The following CACNA2D4 variants were observed in gnomAD, a reference collection of about 807,000 sequenced individuals.
CACNA2D4 encodes calcium voltage-gated channel auxiliary subunit alpha2delta 4.
CACNA2D4 carries 157 observed loss-of-function variants against 163.8 expected under a neutral mutation model. The observed-to-expected ratio is 0.96, with a 90% confidence interval of 0.84 to 1.09. The LOEUF (loss-of-function observed/expected upper bound fraction) is 1.09. Ranked by LOEUF, CACNA2D4 falls within the 50% of genes least tolerant of loss-of-function variation. The probability of loss-of-function intolerance (pLI) is 0.00; values close to 1 mark genes in which losing one functional copy is unlikely to be tolerated. For synonymous variants in CACNA2D4, 598 were observed against 586.9 expected, an observed-to-expected ratio of 1.02 and a Z score of -0.27; for missense variants, 1,410 against 1,479.9, an observed-to-expected ratio of 0.95 and a Z score of 0.78.
chr12:1,851,672 TGTGTGC>T, intron 23 of CACNA2D4, among the ~76,000 whole-genome samples: 1 of 78,200 alleles, frequency 1.3e-5, no homozygotes, highest in Non-Finnish European at 2.6e-5. Flanking sequence ...TGTGTGTGTG[TGTGTGC>T]GTTTTTTTTT....
At chr12:1,809,356 C>G in intron 29 of CACNA2D4, 1 of 603,888 alleles carries the variant, frequency 1.7e-6, no homozygotes. Context: ...GTCCAGCCCC[C>G]GGCGAGACAC....
At chr12:1,904,043 T>C (rs1274665702) in intron 6 of CACNA2D4, among the ~76,000 whole-genome samples, 1 of 152,010 alleles carries the variant, frequency 6.6e-6, no homozygotes, top group Non-Finnish European at 1.5e-5. Flanking sequence ...TATTCAGCCA[T>C]AAAGAGAATC....
chr12:1,876,896 A>G (rs572161589), intron 16 of CACNA2D4, among the ~76,000 whole-genome samples: 7 of 152,102 alleles, frequency 4.6e-5, no homozygotes, highest in African/African-American at 1.7e-4. Context: ...TCCATTAAAT[A>G]CTCCTACATG....
chr12:1,840,773 C>G lies in CACNA2D4; in HGVS notation c.2517G>C (p.Ala839=). Residue 839 remains alanine (A), a synonymous_variant, in exon 26 of 38, where the codon GCG becomes GCC. Transcript: ENST00000382722. The stretch of plus-strand genomic sequence containing the variant: ...TGGCTGTCCTCTTGTCCACGGTCAC[C>G]GCCACAGCTGTGCTTGCCGTCACCA... ...PMVVTASTAV[A]VTVDKRTAIA... 6.2e-7 allele frequency: 1 copy of G among 1,613,778 alleles called. No homozygotes were observed. The highest frequency in any genetic ancestry group is 8.5e-7 in the Non-Finnish European group (1 of 1,179,856).
chr12:1,842,843 C>T (rs993861259), intron 25 of CACNA2D4, among the ~76,000 whole-genome samples: 9 of 152,264 alleles, frequency 5.9e-5, no homozygotes, highest in South Asian at 2.1e-4. Context: ...TTGGGGTGGA[C>T]GGTGTGGGAA....
intron 26 of CACNA2D4, among the ~76,000 whole-genome samples, chr12:1,818,882 A>G (rs1313527967): frequency 6.7e-6 from 1 of 149,638 alleles, no homozygotes; most frequent in African/African-American, 2.5e-5. Context: ...GCCTAGGAAA[A>G]CCAGAGACCT....
In CACNA2D4 at chr12:1,914,879, T is replaced by C; in HGVS notation, c.284A>G (p.Tyr95Cys). ...GGDLYNTVTKYSGSLLLQKKY... is the reference protein window; with the variant it reads ...GGDLYNTVTKCSGSLLLQKKY... Reference sequence around the variant, plus strand: ...CTTCTGCAGCAAGAGAGAGCCTGAGTATTTGGTCACAGTGTTATACAGGTC... The same window carrying C: ...CTTCTGCAGCAAGAGAGAGCCTGAGCATTTGGTCACAGTGTTATACAGGTC... Residue 95 changes from tyrosine to cysteine, a missense_variant, in exon 2 of 38, where the codon TAC becomes TGC. By Grantham distance (194) the Tyr-to-Cys change is radical. Transcript: ENST00000382722. The C allele has an allele frequency of 6.2e-7, 1 of 1,613,614 alleles. No homozygotes were observed.
rs777841442 is a variant in CACNA2D4, at chr12:1,844,522, G to A, written c.2350C>T (p.Leu784=). The A allele has an allele frequency of 1.2e-6, 2 of 1,612,534 alleles. No homozygotes were observed. The highest frequency in any genetic ancestry group is 1.7e-6 in the Non-Finnish European group (2 of 1,179,158). Residue 784 remains leucine (L), a synonymous_variant, in exon 25 of 38, where the codon CTG becomes TTG. Coordinates refer to ENST00000382722, the MANE Select transcript of CACNA2D4 (RefSeq NM_172364.5). This position sits in a 1 kb window ranked among gnomAD's most constrained non-coding sequence, Gnocchi z 4.2. ...GSEKVSDRKF[L]TPEDEASVFT... ...ACGCTGGCCTCGTCCTCAGGTGTCAGGAACTTCCTGCAAGGAGGAAGATGT... is the reference window on the plus strand; with the variant it reads ...ACGCTGGCCTCGTCCTCAGGTGTCAAGAACTTCCTGCAAGGAGGAAGATGT...
rs11061993 is a variant in CACNA2D4 at position 1,828,978 on chromosome 12, C to T, written c.2551+11761G>A. Among the ~76,000 whole-genome samples, 11,870 of 152,248 alleles carry T rather than the reference C, an allele frequency of 0.078. 497 individuals carry two copies. The highest frequency in any genetic ancestry group is 0.13 in the Middle Eastern group (37 of 294). ...GAAACGGTCCCGCGGGACGGCATTC[C>T]GCCTGACTTCCCGCTCTGATCCAGC... On this transcript the variant is annotated intron_variant, in intron 26 of 37. Coordinates refer to ENST00000382722, the MANE Select transcript of CACNA2D4 (RefSeq NM_172364.5). The surrounding 1 kb of genome is among the most constrained non-coding windows in gnomAD (Gnocchi z 4.2).
chr12:1,809,754 C>G (rs940905476), intron 29 of CACNA2D4, among the ~76,000 whole-genome samples: 1 of 152,240 alleles, frequency 6.6e-6, no homozygotes, highest in Non-Finnish European at 1.5e-5. Flanking sequence ...CGTCCATCCC[C>G]CATTTCTTCT....
intron 26 of CACNA2D4, among the ~76,000 whole-genome samples, chr12:1,814,692 C>T (rs758592282): frequency 3.3e-5 from 5 of 152,220 alleles, no homozygotes; most frequent in Non-Finnish European, 5.9e-5. Context: ...TGTCCGCTTC[C>T]CTCCATCTCC....
Position 1,799,138 on chromosome 12 carries a change from G to A in CACNA2D4, c.2995+537C>T, listed in dbSNP as rs746031637. ...GCAGTCATGGAGGGCCCAGGCGCCCGGGCAGTGAGTGCTTTGAAAGGCCAG... is the reference window on the plus strand; with the variant it reads ...GCAGTCATGGAGGGCCCAGGCGCCCAGGCAGTGAGTGCTTTGAAAGGCCAG... On this transcript the variant is annotated intron_variant, in intron 34 of 37. Coordinates refer to ENST00000382722, the MANE Select transcript of CACNA2D4 (RefSeq NM_172364.5). The surrounding 1 kb of genome is among the most constrained non-coding windows in gnomAD (Gnocchi z 4.7). Among the ~76,000 whole-genome samples, 1 of 152,122 alleles carries A rather than the reference G, an allele frequency of 6.6e-6. No individual in the cohort carries two copies. The highest frequency in any genetic ancestry group is 1.5e-5 in the Non-Finnish European group (1 of 68,018).
In CACNA2D4 at chr12:1,793,660, G is replaced by A. The variant is rs777584286; in HGVS notation, c.3409C>T (p.Arg1137Trp). ...CAWGLLPQLL[R>W] Reference sequence around the variant, plus strand: ...ACAGGTCAGGCTGGGTGGTGTCACCGCAGGAGTTGGGGCAGTAGCCCCCAG... The same window carrying A: ...ACAGGTCAGGCTGGGTGGTGTCACCACAGGAGTTGGGGCAGTAGCCCCCAG... The change falls in exon 38 of 38, where the codon CGG becomes TGG. Residue 1137 changes from arginine (R) to tryptophan (W), a missense_variant. Transcript: ENST00000382722. 2.5e-6 allele frequency: 4 copies of A among 1,613,394 alleles called. No homozygotes were observed. The highest frequency in any genetic ancestry group is 1.1e-5 in the South Asian group (1 of 91,088).
chr12:1,811,904 G>A, intron 26 of CACNA2D4, 181 bp from the exon 27 acceptor site: 2 of 594,196 alleles, frequency 3.4e-6, no homozygotes, highest in South Asian at 2.1e-5. Context: ...AGGGGTGGGG[G>A]AAGAACAGAG....
chr12:1,846,761 T>C (rs1265473261), intron 23 of CACNA2D4, 72 bp from the exon 24 acceptor site: 2 of 1,244,428 alleles, frequency 1.6e-6, no homozygotes, highest in African/African-American at 1.5e-5. Context: ...CTGCAGGGGT[T>C]TGGGGGCCTC....
chr12:1,830,993 C>T (rs1864598990), intron 26 of CACNA2D4: 1 of 1,614,048 alleles, frequency 6.2e-7, no homozygotes. Context: ...GCCCTTTCTC[C>T]TGCAAGTGTG....
chr12:1,842,539 C>G (rs899071229), intron 25 of CACNA2D4, among the ~76,000 whole-genome samples: 12 of 152,320 alleles, frequency 7.9e-5, no homozygotes, highest in African/African-American at 2.2e-4. Context: ...AAGTGGGCCC[C>G]GCCTCCCTCC....
chr12:1,874,764 C>T lies in CACNA2D4; in HGVS notation c.1807-89G>A. On this transcript the variant is annotated intron_variant, in intron 17 of 37. Transcript: ENST00000382722. This position sits in a 1 kb window ranked among gnomAD's most constrained non-coding sequence, Gnocchi z 4.4. ...TCTTCAGACCAGATTAGAGGTGATCCCCAGAAACACTTTTGGTTCTTCCCT... is the reference window on the plus strand; with the variant it reads ...TCTTCAGACCAGATTAGAGGTGATCTCCAGAAACACTTTTGGTTCTTCCCT... The T allele has an allele frequency of 3.2e-6, 3 of 936,954 alleles. No individual in the cohort carries two copies. The highest frequency in any genetic ancestry group is 2.7e-5 in the South Asian group (2 of 73,260). The allele number at this position is 936,954 out of a possible 1,614,324, so 58.0% of individuals were successfully genotyped here. A position where few individuals can be genotyped will look rare whatever the true frequency, so the allele number is the denominator to read the frequency against.
intron 20 of CACNA2D4, 137 bp from the exon 21 acceptor site, chr12:1,856,366 T>A: frequency 1.1e-6 from 1 of 876,290 alleles, no homozygotes; most frequent in Non-Finnish European, 1.9e-6. Context: ...TAGCTCACAG[T>A]AGGAGAACAT....
Sources: allele counts gnomAD v4.1 joint callset (sites outside exome capture counted in the v4.1 genomes callset), GRCh38; gene constraint gnomAD v4.1.1; non-coding constraint Gnocchi (gnomAD v3.1); transcripts MANE v1.5; gene names NCBI Gene and HGNC (gene_info 2026-07-23, HGNC 2026-07-21).